PMM2: variants seen among roughly 807,000 people sequenced by gnomAD.
PMM2 encodes phosphomannomutase 2, also known as mannose-6-phosphate isomerase.
In PMM2, 35 loss-of-function variants were observed where a neutral mutation model predicts 33.2. The observed-to-expected ratio is 1.06, with a 90% CI of 0.81 to 1.40. The LOEUF (loss-of-function observed/expected upper bound fraction) is 1.40, where lower values mean the gene tolerates loss of function less well. Among genes scored for constraint, PMM2 ranks in the 40% most tolerant of loss-of-function variants. PMM2 has a pLI of 0.00. For synonymous variants in PMM2, 153 were observed against 114.7 expected (o/e 1.33, Z -2.13); for missense variants, 386 against 306.0 (o/e 1.26, Z -1.95).
chr16:8,837,529 G>A (rs1032002175), intron 7 of PMM2, among the ~76,000 whole-genome samples: 9 of 151,780 alleles, frequency 5.9e-5, no homozygotes, highest in African/African-American at 1.7e-4. Context: ...AGAAGGGGTG[G>A]GGGGTTCTTG....
At chr16:8,846,505 G>T (rs1406903368) in intron 7 of PMM2, among the ~76,000 whole-genome samples, 1 of 152,138 alleles carries the variant, frequency 6.6e-6, no homozygotes, top group East Asian at 1.9e-4. Context: ...GGGAGCGGCA[G>T]ATAACCTGAT....
chr16:8,833,635 A>T (rs191094876), intron 7 of PMM2, among the ~76,000 whole-genome samples: 7 of 151,508 alleles, frequency 4.6e-5, no homozygotes, highest in African/African-American at 1.7e-4. Context: ...ATTAAGCTGA[A>T]GGGAGGTCTT....
Position 8,813,060 on chromosome 16 carries a change from A to G in PMM2, c.593A>G (p.Asn198Ser), listed in dbSNP as rs773420873. The G allele has an allele frequency of 2.5e-6, 4 of 1,613,240 alleles. No homozygotes were observed. In the Admixed American group the frequency reaches 6.7e-5, roughly 27 times the overall value. ...AGATACTGTCTGCGACATGTGGAAA[A>G]TGACGGTTATAAGACCATTTATTTC... is the stretch of plus-strand genomic sequence containing the variant. Reference protein sequence around the residue: ...DKRYCLRHVENDGYKTIYFFG... With the variant: ...DKRYCLRHVESDGYKTIYFFG... Residue 198 changes from asparagine to serine, a missense_variant, in exon 7 of 8, where the codon AAT (asparagine) becomes AGT (serine). By Grantham distance (46) the Asn-to-Ser change is conservative. Transcript: ENST00000268261.
At chr16:8,827,786 A>G (rs1177764771) in intron 7 of PMM2, among the ~76,000 whole-genome samples, 1 of 91,056 alleles carries the variant, frequency 1.1e-5, no homozygotes, top group African/African-American at 4.7e-5. Flanking sequence ...ATATATATTT[A>G]TATATATTTA....
At chr16:8,828,742 A>G (rs959727632) in intron 7 of PMM2, among the ~76,000 whole-genome samples, 9 of 152,188 alleles carry the variant, frequency 5.9e-5, no homozygotes, top group Non-Finnish European at 1.2e-4. Context: ...GAGGGGTCCT[A>G]TGTCCACATC....
At position 8,838,653 on chromosome 16, in the gene PMM2, A is replaced by G. The variant is rs186798249; in HGVS notation, c.640-9071A>G. On this transcript the variant is annotated intron_variant, in intron 7 of 7. Transcript: ENST00000268261. ...GAATGATTGGTGATGGTCTGGATAC[A>G]GTTTTGGATGAATTGAGAAACTAAA... is the stretch of plus-strand genomic sequence containing the variant. Among the ~76,000 whole-genome samples, 86 of 151,794 alleles carry G rather than the reference A, an allele frequency of 5.7e-4. No individual in the cohort carries two copies. In the East Asian group the frequency reaches 0.015, roughly 26 times the overall value.
chr16:8,832,156 A>G (rs958917383), intron 7 of PMM2: 1 of 985,332 alleles, frequency 1.0e-6, no homozygotes, highest in Non-Finnish European at 1.2e-6. Flanking sequence ...AGCCCCAAGA[A>G]GGCTGCACCC....
At chr16:8,799,400 C>T (rs955994890) in intron 1 of PMM2, among the ~76,000 whole-genome samples, 11 of 152,222 alleles carry the variant, frequency 7.2e-5, no homozygotes, top group African/African-American at 2.7e-4. Context: ...CTCAGTTTCA[C>T]ACAGCCAACC....
chr16:8,808,607 A>G (rs1393211779), intron 4 of PMM2: 1 of 152,252 alleles, frequency 6.6e-6, no homozygotes, highest in African/African-American at 2.4e-5. Flanking sequence ...TTAGGGCGGA[A>G]CTGATTGCTT....
rs1362323959 is a variant in PMM2 at position 8,809,759 on chromosome 16, C to T, written c.348-1320C>T. On this transcript the variant is annotated intron_variant, in intron 4 of 7. Coordinates refer to ENST00000268261, the MANE Select transcript of PMM2 (RefSeq NM_000303.3). ...GAGCCAAAGAAACTGTTTTCAGACTCAAACTGGAAACCGTGGAAAAAAACT... is the reference window on the plus strand; with the variant it reads ...GAGCCAAAGAAACTGTTTTCAGACTTAAACTGGAAACCGTGGAAAAAAACT... The T allele has an allele frequency of 2.0e-5, 3 of 152,118 alleles. No homozygotes were observed. The East Asian group carries it at 5.8e-4, about 29-fold the overall frequency. The allele number at this position is 152,118 out of a possible 1,614,324, so 9.4% of individuals were successfully genotyped here.
chr16:8,831,181 C>A (rs2060807599), intron 7 of PMM2, among the ~76,000 whole-genome samples: 1 of 152,178 alleles, frequency 6.6e-6, no homozygotes, highest in Admixed American at 6.5e-5. Flanking sequence ...TGAATTCCTC[C>A]CAAGGTTAGT....
chr16:8,848,385 A>G lies in PMM2; in HGVS notation c.*560A>G, dbSNP rs2447928. On this transcript the variant is annotated 3_prime_UTR_variant, in exon 8 of 8. Coordinates refer to ENST00000268261, the MANE Select transcript of PMM2 (RefSeq NM_000303.3). Reference sequence around the variant, plus strand: ...CTGTGAGTGGGGCAGTGTGATACCCAGTGACTAGACGCACTCTGCGTTTTC... The same window carrying G: ...CTGTGAGTGGGGCAGTGTGATACCCGGTGACTAGACGCACTCTGCGTTTTC... 0.036 allele frequency: 6,351 copies of G among 175,664 alleles called. 459 individuals carry two copies. Among genetic ancestry groups the G allele is most frequent in the African/African-American group, 0.14 (5,938 of 42,030 alleles). 10.9% of individuals were successfully genotyped at this position (175,664 alleles called of 1,614,324 possible). A position where few individuals can be genotyped will look rare whatever the true frequency, so the allele number is the denominator to read the frequency against.
chr16:8,817,135 G>T (rs1326193268), intron 7 of PMM2, among the ~76,000 whole-genome samples: 4 of 152,214 alleles, frequency 2.6e-5, no homozygotes, highest in African/African-American at 4.8e-5. Flanking sequence ...CTCTCTCTCA[G>T]TGGGGTAGAA....
chr16:8,821,659 A>C (rs2060740117), intron 7 of PMM2, among the ~76,000 whole-genome samples: 1 of 152,204 alleles, frequency 6.6e-6, no homozygotes, highest in Non-Finnish European at 1.5e-5. Flanking sequence ...CTGTGCTCAG[A>C]GCCGTCAACA....
At chr16:8,806,615 G>C in intron 4 of PMM2, 1 of 600,810 alleles carries the variant, frequency 1.7e-6, no homozygotes, top group East Asian at 2.9e-5. Context: ...GGCTGCCCTG[G>C]TGCTGCTGGT....
chr16:8,812,009 A>G (rs1333029141), intron 6 of PMM2, among the ~76,000 whole-genome samples: 2 of 152,246 alleles, frequency 1.3e-5, no homozygotes, highest in South Asian at 2.1e-4. Context: ...TTTGATTACT[A>G]AAGAGTAGGA....
intron 7 of PMM2, chr16:8,832,886 C>T (rs2060819267): frequency 5.1e-6 from 5 of 985,430 alleles, no homozygotes; most frequent in Non-Finnish European, 6.0e-6. Context: ...GCCAGGGTTC[C>T]CTCACCCTCC....
At chr16:8,834,332 G>C (rs561506658) in intron 7 of PMM2, among the ~76,000 whole-genome samples, 533 of 152,212 alleles carry the variant, frequency 3.5e-3, no homozygotes, top group African/African-American at 0.012. Flanking sequence ...AACTGCTTGG[G>C]TGATTTGACT....
intron 1 of PMM2, among the ~76,000 whole-genome samples, chr16:8,800,440 A>G (rs1318843716): frequency 6.6e-6 from 1 of 152,078 alleles, no homozygotes; most frequent in African/African-American, 2.4e-5. Flanking sequence ...ACTTGTAAAA[A>G]TACATTGTGA....
Sources: gnomAD v4.1 joint callset for allele counts (sites outside exome capture counted in the v4.1 genomes callset) on GRCh38, gnomAD v4.1.1 for gene constraint, MANE v1.5 for transcripts, NCBI Gene and HGNC (gene_info 2026-07-23, HGNC 2026-07-21) for gene names.